BUD13: variants seen among roughly 807,000 people sequenced by gnomAD.
BUD13 encodes BUD13 spliceosome associated protein.
A neutral mutation model predicts 62.5 loss-of-function variants in BUD13; 47 were observed. The observed-to-expected ratio is 0.75, with a 90% confidence interval of 0.60 to 0.96. BUD13 has a LOEUF of 0.96. Among genes scored for constraint, BUD13 ranks in the 40% least tolerant of loss-of-function variants. BUD13 has a pLI of 0.00. For synonymous variants in BUD13, 293 were observed against 280.1 expected (o/e 1.05, Z -0.46); for missense variants, 821 against 790.9 (o/e 1.04, Z -0.46).
At chr11:116,754,943 T>G (rs962905461) in intron 9 of BUD13, among the ~76,000 whole-genome samples, 1 of 152,226 alleles carries the variant, frequency 6.6e-6, no homozygotes, top group Non-Finnish European at 1.5e-5. Flanking sequence ...ATATCATTCA[T>G]GATGTCCAGT....
At position 116,760,845 on chromosome 11, in the gene BUD13, T is replaced by G. The variant is rs148467711; in HGVS notation, c.1144A>C (p.Arg382=). Residue 382 remains arginine, a synonymous_variant, in exon 5 of 10, where the codon AGA becomes CGA. Coordinates refer to ENST00000260210, the MANE Select transcript of BUD13 (RefSeq NM_032725.4). ...AGGTCAGAATCAGAGCTCCGGTGTC[T>G]AGGTCTATTCCGTGGAGGTGACAGA... ...SDLSPPRNRP[R]HRSSDSDLSP... is the part of the protein sequence containing the mutation. 3.7e-4 allele frequency: 605 copies of G among 1,614,152 alleles called. 1 individual carries two copies. The African/African-American group carries it at 7.2e-3, about 19-fold the overall frequency.
Position 116,757,193 on chromosome 11 carries a change from G to A in BUD13, c.1719C>T (p.Pro573=). ...RPRYSGPAPP[P]NRFNIWPGYR... ...ATCCAGGCCAGATATTAAATCTGTTGGGAGGAGGTGCTGGACCACTGTAGC... is the reference window on the plus strand; with the variant it reads ...ATCCAGGCCAGATATTAAATCTGTTAGGAGGAGGTGCTGGACCACTGTAGC... Residue 573 remains proline (P), a synonymous_variant, in exon 9 of 10, where the codon CCC becomes CCT. Transcript: ENST00000260210. The A allele has an allele frequency of 6.2e-7, 1 of 1,614,210 alleles. No homozygotes were observed.
intron 9 of BUD13, among the ~76,000 whole-genome samples, chr11:116,750,953 ACT>A (rs1279335202): frequency 1.3e-4 from 19 of 151,848 alleles, no homozygotes; most frequent in Admixed American, 1.2e-3. Context: ...TAGCCTTATG[ACT>A]CTGCACATAT....
chr11:116,762,934 G>A lies in BUD13; in HGVS notation c.655C>T (p.Arg219Cys), dbSNP rs374148628. ...GGAGAGGGATCTGGTGAATCATGAC[G>A]GACTCTCCTAGGAGATGCACCTGAA... is the stretch of plus-strand genomic sequence containing the variant. ...NSSGASPRRV[R>C]HDSPDPSPPR... Residue 219 changes from arginine to cysteine, a missense_variant, in exon 4 of 10, where the codon CGT becomes TGT. This residue lies in a region of BUD13 where 800 missense variants were observed against 739.2 expected (regional missense o/e 1.08). Transcript: ENST00000260210. The A allele has an allele frequency of 3.0e-5, 49 of 1,613,990 alleles. No homozygotes were observed. In the African/African-American group the frequency reaches 3.5e-4, roughly 11 times the overall value.
At chr11:116,767,702 T>C (rs1940556497) in intron 2 of BUD13, among the ~76,000 whole-genome samples, 1 of 151,274 alleles carries the variant, frequency 6.6e-6, no homozygotes, top group African/African-American at 2.4e-5. Flanking sequence ...TGGTGGGGCA[T>C]GTGGCTAACA....
At chr11:116,748,596 C>A in intron 9 of BUD13, 21 bp from the exon 10 acceptor site, 1 of 1,610,830 alleles carries the variant, frequency 6.2e-7, no homozygotes, top group Non-Finnish European at 8.5e-7. Context: ...AAGAGACATA[C>A]TATTCAGCTA....
intron 9 of BUD13, among the ~76,000 whole-genome samples, chr11:116,753,850 A>G (rs1391541286): frequency 6.6e-6 from 1 of 152,242 alleles, no homozygotes; most frequent in Non-Finnish European, 1.5e-5. Context: ...TCCACAATTG[A>G]TAGTAACTGA....
rs79943407 is a variant in BUD13, at chr11:116,750,122, T to C, written c.1767-1547A>G. On this transcript the variant is annotated intron_variant, in intron 9 of 9. Transcript: ENST00000260210. ...TACATATAGGTCATAGTTGAAAACA[T>C]GACTAGGTAAGAATCAGCCAGAGGG... 5.8e-3 allele frequency among the ~76,000 whole-genome samples: 889 copies of C among 152,288 alleles called. 10 individuals are homozygous for C. Among genetic ancestry groups the C allele is most frequent in the African/African-American group, 0.02 (847 of 41,548 alleles).
intron 9 of BUD13, among the ~76,000 whole-genome samples, chr11:116,751,460 C>T (rs111284851): frequency 6.6e-6 from 1 of 152,128 alleles, no homozygotes; most frequent in African/African-American, 2.4e-5. Flanking sequence ...GAAACCCTGT[C>T]TCTACTAAAA....
chr11:116,758,163 G>A, intron 7 of BUD13, 106 bp downstream of exon 7: 1 of 1,514,504 alleles, frequency 6.6e-7, no homozygotes, highest in Middle Eastern at 1.8e-4. Flanking sequence ...TCCCATTACT[G>A]ATAACAGCTC....
intron 2 of BUD13, among the ~76,000 whole-genome samples, chr11:116,767,975 A>T (rs1274739361): frequency 2.1e-5 from 3 of 143,672 alleles, no homozygotes; most frequent in Non-Finnish European, 4.5e-5. Context: ...CCTGTCTCAA[A>T]AATAATAATA....
At chr11:116,762,488 C>T (rs965844955) in intron 4 of BUD13, 65 bp downstream of exon 4, 95 of 1,339,938 alleles carry the variant, frequency 7.1e-5, no homozygotes, top group Admixed American at 1.2e-4. Flanking sequence ...AATAAATCAA[C>T]TAAACGGCCA....
In BUD13 at chr11:116,772,870, C is replaced by T; in HGVS notation, c.95G>A (p.Arg32His). The change falls in exon 1 of 10, where the codon CGC (arginine) becomes CAC (histidine). Residue 32 changes from arginine to histidine, a missense_variant. This residue lies in a region of BUD13 where 800 missense variants were observed against 739.2 expected (regional missense o/e 1.08). Coordinates refer to ENST00000260210, the MANE Select transcript of BUD13 (RefSeq NM_032725.4). ...CTTCGGCCGCTTTTTGCGACGCTTG[C>T]GACCGGACTCAGATCCCCGGTCGAC... The part of the protein sequence containing the change: ...AGVDRGSESG[R>H]KRRKKRPKPG... 6.3e-7 allele frequency: 1 copy of T among 1,591,000 alleles called. No homozygotes were observed.
intron 2 of BUD13, among the ~76,000 whole-genome samples, chr11:116,766,508 G>T (rs950601952): frequency 1.3e-5 from 2 of 152,166 alleles, no homozygotes; most frequent in African/African-American, 4.8e-5. Context: ...CAGGTTTCGG[G>T]CAAGATGAAT....
At chr11:116,750,557 A>G (rs915363187) in intron 9 of BUD13, among the ~76,000 whole-genome samples, 1 of 152,112 alleles carries the variant, frequency 6.6e-6, no homozygotes, top group African/African-American at 2.4e-5. Flanking sequence ...AGGTCCCACC[A>G]GCTCACCCCT....
chr11:116,765,414 C>A lies in BUD13; in HGVS notation c.270G>T (p.Glu90Asp), dbSNP rs993932725. 6.2e-7 allele frequency: 1 copy of A among 1,614,170 alleles called. No individual in the cohort carries two copies. Among genetic ancestry groups the A allele is most frequent in the Non-Finnish European group, 8.5e-7 (1 of 1,180,022 alleles). Residue 90 changes from glutamate (E) to aspartate (D), a missense_variant, in exon 3 of 10, where the codon GAG becomes GAT. Transcript: ENST00000260210. ...VAEFVDERPEEVKQMEAFRSS... is the reference protein window; with the variant it reads ...VAEFVDERPEDVKQMEAFRSS... Reference sequence around the variant, plus strand: ...AACGAAAGGCCTCCATCTGCTTTACCTCTTCTGGCCGCTCATCCACAAACT... The same window carrying A: ...AACGAAAGGCCTCCATCTGCTTTACATCTTCTGGCCGCTCATCCACAAACT...
chr11:116,771,324 C>T (rs957426705), intron 1 of BUD13, among the ~76,000 whole-genome samples: 6 of 152,128 alleles, frequency 3.9e-5, no homozygotes, highest in African/African-American at 1.2e-4. Flanking sequence ...AGAACAGGGA[C>T]TATGTTTTTT....
chr11:116,772,282 G>C (rs764097629), intron 1 of BUD13, among the ~76,000 whole-genome samples: 6 of 152,318 alleles, frequency 3.9e-5, no homozygotes, highest in Non-Finnish European at 8.8e-5. Context: ...TCATGGTAGT[G>C]TGGTGAGGCT....
intron 5 of BUD13, among the ~76,000 whole-genome samples, chr11:116,760,441 G>A (rs920400831): frequency 3.3e-5 from 5 of 152,160 alleles, no homozygotes; most frequent in East Asian, 1.9e-4. Context: ...TACAGTCCTC[G>A]GTTTATTCCT....
Sources: gnomAD v4.1 joint callset for allele counts (sites outside exome capture counted in the v4.1 genomes callset) on GRCh38, gnomAD v4.1.1 for gene constraint, gnomAD v4.1.1 regional missense constraint, MANE v1.5 for transcripts, NCBI Gene and HGNC (gene_info 2026-07-23, HGNC 2026-07-21) for gene names.